The following NLGN4X variants were observed in gnomAD, a reference collection of about 807,000 sequenced individuals.
The protein encoded by NLGN4X is neuroligin-4, X-linked.
A neutral mutation model predicts 40.3 loss-of-function variants in NLGN4X; 3 were observed. That is an observed-to-expected ratio of 0.07 (90% CI 0.03 to 0.19). The LOEUF (loss-of-function observed/expected upper bound fraction) is 0.19. Among genes scored for constraint, NLGN4X ranks in the 10% least tolerant of loss-of-function variants. The pLI is 1.00. For synonymous variants in NLGN4X, 270 were observed against 306.8 expected (o/e 0.88, Z 1.25); for missense variants, 382 against 708.3 (o/e 0.54, Z 5.23).
intron 2 of NLGN4X, among the ~76,000 whole-genome samples, chrX:6,109,629 A>C (rs1431980190): frequency 8.9e-6 from 1 of 112,054 alleles, no homozygotes; most frequent in East Asian, 2.8e-4. Context: ...AAAAAGGTCA[A>C]ACAAGGGTCT....
Position 6,032,595 on chromosome X carries a change from AG to A in NLGN4X, c.473-3164del, listed in dbSNP as rs1315872191. ...CACCAAAGTGTACTAGTTTTAAATA[AG>A]GGGAGAAAAAACAGATTGAAATGAA... On this transcript the variant is annotated intron_variant, in intron 2 of 5. Transcript: ENST00000381095. 3 of 506,918 alleles carry A rather than the reference AG, an allele frequency of 5.9e-6. No individual in the cohort carries two copies. In the African/African-American group the frequency reaches 7.5e-5, roughly 13 times the overall value. 41.8% of individuals were successfully genotyped at this position (506,918 alleles called of 1,213,427 possible). A position where few individuals can be genotyped will look rare whatever the true frequency, so the allele number is the denominator to read the frequency against.
chrX:6,016,347 G>A (rs767897876), intron 3 of NLGN4X, among the ~76,000 whole-genome samples: 1 of 111,845 alleles, frequency 8.9e-6, no homozygotes, highest in South Asian at 3.7e-4. Context: ...TTTTGGGGAT[G>A]TAGGAGAGAA....
At chrX:6,165,540 C>A (rs1457492715) in intron 1 of NLGN4X, among the ~76,000 whole-genome samples, 1 of 111,744 alleles carries the variant, frequency 8.9e-6, no homozygotes, top group Non-Finnish European at 1.9e-5. Context: ...GATATTGACA[C>A]TTCCAAGCTT....
chrX:6,216,461 A>G (rs907505592), intron 1 of NLGN4X, among the ~76,000 whole-genome samples: 2 of 112,132 alleles, frequency 1.8e-5, no homozygotes, highest in African/African-American at 6.5e-5. Flanking sequence ...TCACTAGCCA[A>G]TGAGGCATCC....
At chrX:6,154,044 C>T (rs1285450779) in intron 1 of NLGN4X, among the ~76,000 whole-genome samples, 1 of 112,239 alleles carries the variant, frequency 8.9e-6, no homozygotes, top group African/African-American at 3.2e-5. Context: ...GTTTCCCCAT[C>T]TCAGTATAAA....
At chrX:6,154,408 T>C (rs2040221808) in intron 1 of NLGN4X, among the ~76,000 whole-genome samples, 1 of 111,106 alleles carries the variant, frequency 9.0e-6, no homozygotes, top group South Asian at 3.8e-4. Context: ...TTACAAGAAA[T>C]GTTGATATTG....
chrX:5,913,813 G>A (rs1490294468), intron 3 of NLGN4X, among the ~76,000 whole-genome samples: 1 of 111,906 alleles, frequency 8.9e-6, no homozygotes, highest in Non-Finnish European at 1.9e-5. Context: ...TGTGTCATGG[G>A]AGGGACCCAG....
chrX:6,093,220 G>A, intron 2 of NLGN4X, among the ~76,000 whole-genome samples: 1 of 111,860 alleles, frequency 8.9e-6, no homozygotes. Context: ...GGTCCACCTG[G>A]ATTTGCATAA....
chrX:5,903,929 T>G, intron 4 of NLGN4X, 63 bp from the exon 5 acceptor site: 1 of 1,169,401 alleles, frequency 8.6e-7, no homozygotes, highest in Non-Finnish European at 1.2e-6. Context: ...CAGCTTTTAC[T>G]GAGCAATGAA....
At chrX:6,003,456 A>G (rs1261249939) in intron 3 of NLGN4X, among the ~76,000 whole-genome samples, 2 of 112,486 alleles carry the variant, frequency 1.8e-5, no homozygotes, top group African/African-American at 6.5e-5. Flanking sequence ...CTTTTTAGAT[A>G]AAACAGAATA....
At chrX:6,127,570 T>C (rs1163713430) in intron 2 of NLGN4X, among the ~76,000 whole-genome samples, 8 of 112,067 alleles carry the variant, frequency 7.1e-5, no homozygotes, top group Non-Finnish European at 1.5e-4. Context: ...GGCTGCACCA[T>C]TGCACTCCAG....
At chrX:5,991,648 G>T in intron 3 of NLGN4X, 1 of 397,157 alleles carries the variant, frequency 2.5e-6, no homozygotes, top group South Asian at 4.0e-5. Context: ...ACATCCATCA[G>T]TGCTAATAAC....
At chrX:6,019,297 G>A (rs2036473523) in intron 3 of NLGN4X, among the ~76,000 whole-genome samples, 4 of 111,842 alleles carry the variant, frequency 3.6e-5, no homozygotes, top group South Asian at 3.7e-4. Flanking sequence ...TATTACAGGC[G>A]GGTAGGCAAA....
intron 1 of NLGN4X, chrX:6,186,921 T>C (rs1200612124): frequency 1.8e-5 from 2 of 110,766 alleles, no homozygotes; most frequent in Non-Finnish European, 3.8e-5. Flanking sequence ...TTTGTCTCTA[T>C]AAAAATACAT....
chrX:6,149,901 T>C (rs909009333), intron 2 of NLGN4X, among the ~76,000 whole-genome samples: 2 of 109,596 alleles, frequency 1.8e-5, no homozygotes, highest in African/African-American at 6.6e-5. Context: ...ATTAACGTCG[T>C]TGTTGATTTA....
chrX:6,098,589 T>G (rs936717406), intron 2 of NLGN4X, among the ~76,000 whole-genome samples: 1 of 111,513 alleles, frequency 9.0e-6, no homozygotes, highest in African/African-American at 3.3e-5. Context: ...CAGGATTGTA[T>G]AATATAAACG....
chrX:6,154,933 T>C (rs143810369), intron 1 of NLGN4X, among the ~76,000 whole-genome samples: 250 of 111,881 alleles, frequency 2.2e-3, no homozygotes, highest in African/African-American at 7.9e-3. Flanking sequence ...TGAATAAAAA[T>C]TGTAATAAAT....
At chrX:6,034,636 A>T (rs182825868) in intron 2 of NLGN4X, among the ~76,000 whole-genome samples, 1 of 111,599 alleles carries the variant, frequency 9.0e-6, no homozygotes, top group East Asian at 2.8e-4. Context: ...TATTTCTCTA[A>T]TACCTAGCCA....
chrX:5,906,543 G>T (rs933714395), intron 4 of NLGN4X, among the ~76,000 whole-genome samples: 3 of 111,250 alleles, frequency 2.7e-5, no homozygotes, highest in African/African-American at 9.8e-5. Flanking sequence ...TTGAGACAGG[G>T]TCTCACTCTG....
Sources: gnomAD v4.1 joint callset for allele counts (sites outside exome capture counted in the v4.1 genomes callset) on GRCh38, gnomAD v4.1.1 for gene constraint, MANE v1.5 for transcripts, NCBI Gene and HGNC (gene_info 2026-07-23, HGNC 2026-07-21) for gene names.